The following GNA14 variants were observed in gnomAD, a reference collection of about 807,000 sequenced individuals.
The protein encoded by GNA14 is guanine nucleotide-binding protein subunit alpha-14.
A neutral mutation model predicts 42.0 loss-of-function variants in GNA14; 50 were observed. The observed-to-expected ratio is 1.19, with a 90% CI of 0.95 to 1.51. The LOEUF is 1.51. Ranked by LOEUF, GNA14 falls within the 40% of genes most tolerant of loss-of-function variation. GNA14 has a pLI of 0.00. For missense variants in GNA14, 473 were observed against 446.2 expected (o/e 1.06, Z -0.54); for synonymous variants, 173 against 163.1 (o/e 1.06, Z -0.46).
chr9:77,424,763 C>T (rs1264907960), intron 6 of GNA14, among the ~76,000 whole-genome samples: 1 of 152,098 alleles, frequency 6.6e-6, no homozygotes, highest in East Asian at 1.9e-4. Flanking sequence ...GTAATCCTGG[C>T]TAACACATAT....
At chr9:77,631,158 G>T (rs1295407000) in intron 1 of GNA14, among the ~76,000 whole-genome samples, 1 of 152,138 alleles carries the variant, frequency 6.6e-6, no homozygotes, top group Non-Finnish European at 1.5e-5. Flanking sequence ...CTATCATGTT[G>T]CTTTTTCACC....
chr9:77,635,120 CCAAA>C (rs200100023), intron 1 of GNA14: 1 of 152,096 alleles, frequency 6.6e-6, no homozygotes, highest in Admixed American at 6.6e-5. Context: ...CACCCATCAC[CCAAA>C]CAGTGTACAC....
intron 1 of GNA14, among the ~76,000 whole-genome samples, chr9:77,534,041 G>A (rs1431602161): frequency 1.3e-5 from 2 of 152,052 alleles, no homozygotes; most frequent in African/African-American, 4.8e-5. Flanking sequence ...TTAATATTTA[G>A]CTTTATTATT....
intron 2 of GNA14, among the ~76,000 whole-genome samples, chr9:77,498,373 C>CAAAAAAAAAAAAAAA (rs766816001): frequency 2.4e-4 from 13 of 54,102 alleles, no homozygotes; most frequent in Non-Finnish European, 3.2e-4. Flanking sequence ...AAGTCTGTCT[C>CAAAAAAAAAAAAAAA]AAAAAAAAAA....
intron 1 of GNA14, among the ~76,000 whole-genome samples, chr9:77,536,352 T>G (rs10869939): frequency 0.26 from 40,090 of 152,136 alleles, 5,629 homozygotes; most frequent in African/African-American, 0.34. Flanking sequence ...TAGGTTTTTT[T>G]TGTGTGTGTG....
rs1028886512 is a variant in GNA14 at position 77,579,202 on chromosome 9, C to T, written c.125-49949G>A. Among the ~76,000 whole-genome samples, 9 of 152,286 alleles carry T rather than the reference C, an allele frequency of 5.9e-5. No individual in the cohort carries two copies. The East Asian group carries it at 1.5e-3, about 26-fold the overall frequency. ...TCAGGCACTGGGAACAAATAAGGGGCCTTCACTCTAAGGCTGGGCACAACT... is the reference window on the plus strand; with the variant it reads ...TCAGGCACTGGGAACAAATAAGGGGTCTTCACTCTAAGGCTGGGCACAACT... On this transcript the variant is annotated intron_variant, in intron 1 of 6. Coordinates refer to ENST00000341700, the MANE Select transcript of GNA14 (RefSeq NM_004297.4).
At chr9:77,601,769 C>T (rs1173535531) in intron 1 of GNA14, among the ~76,000 whole-genome samples, 1 of 152,186 alleles carries the variant, frequency 6.6e-6, no homozygotes, top group Admixed American at 6.5e-5. Context: ...TCCCATCTGA[C>T]GGAAGCCCAC....
At chr9:77,638,772 AAG>A (rs1824217309) in intron 1 of GNA14, among the ~76,000 whole-genome samples, 1 of 152,218 alleles carries the variant, frequency 6.6e-6, no homozygotes, top group South Asian at 2.1e-4. Context: ...ATGGGAAATC[AAG>A]AGGACACTGC....
At chr9:77,501,118 C>A (rs1012271985) in intron 2 of GNA14, among the ~76,000 whole-genome samples, 4 of 152,176 alleles carry the variant, frequency 2.6e-5, no homozygotes, top group African/African-American at 9.7e-5. Context: ...CCACACTCAG[C>A]TAATTTTTAT....
intron 2 of GNA14, among the ~76,000 whole-genome samples, chr9:77,464,913 G>A (rs528161663): frequency 3.1e-4 from 47 of 152,142 alleles, no homozygotes; most frequent in Non-Finnish European, 5.6e-4. Context: ...GGAGAATGCC[G>A]TGTGAAGCCA....
intron 1 of GNA14, among the ~76,000 whole-genome samples, chr9:77,632,180 C>T (rs113924499): frequency 0.012 from 1,851 of 152,322 alleles, 65 homozygotes; most frequent in African/African-American, 0.042. Flanking sequence ...CCACTCCAAT[C>T]TCAGAGCAAA....
chr9:77,599,314 G>A (rs1047955097), intron 1 of GNA14, among the ~76,000 whole-genome samples: 2 of 152,064 alleles, frequency 1.3e-5, no homozygotes, highest in African/African-American at 2.4e-5. Context: ...TAGGTCATTC[G>A]GTAAAATAAA....
chr9:77,562,419 A>G lies in GNA14; in HGVS notation c.125-33166T>C, dbSNP rs142698931. Among the ~76,000 whole-genome samples, 503 of 152,252 alleles carry G rather than the reference A, an allele frequency of 3.3e-3. 6 individuals carry two copies. The highest frequency in any genetic ancestry group is 0.011 in the South Asian group (51 of 4,814). The stretch of plus-strand genomic sequence containing the variant: ...AAAAAATGATCATGTATGGGGCAGG[A>G]AAGGGACATGAAGGAGAGCCACCAA... On this transcript the variant is annotated intron_variant, in intron 1 of 6. Transcript: ENST00000341700.
At chr9:77,451,789 C>G (rs1835905920) in intron 2 of GNA14, among the ~76,000 whole-genome samples, 1 of 152,194 alleles carries the variant, frequency 6.6e-6, no homozygotes, top group African/African-American at 2.4e-5. Context: ...TAATCAGGTG[C>G]ATAAGGAAAC....
chr9:77,439,620 G>C (rs113733098), intron 2 of GNA14, among the ~76,000 whole-genome samples: 2,334 of 152,286 alleles, frequency 0.015, 27 homozygotes, highest in Non-Finnish European at 0.024. Context: ...CTGAGTGAAA[G>C]AGTGAGATAC....
At chr9:77,465,647 C>T (rs537224012) in intron 2 of GNA14, among the ~76,000 whole-genome samples, 8 of 141,278 alleles carry the variant, frequency 5.7e-5, no homozygotes, top group African/African-American at 2.1e-4. Flanking sequence ...CAAAACATAG[C>T]TTTCTACCTT....
At chr9:77,492,990 G>A (rs1211753519) in intron 2 of GNA14, among the ~76,000 whole-genome samples, 1 of 101,082 alleles carries the variant, frequency 9.9e-6, no homozygotes, top group African/African-American at 4.0e-5. Flanking sequence ...GACAGAGCAA[G>A]ACTCCGTCTC....
At chr9:77,483,169 C>A (rs898231291) in intron 2 of GNA14, among the ~76,000 whole-genome samples, 2 of 152,096 alleles carry the variant, frequency 1.3e-5, no homozygotes, top group Admixed American at 1.3e-4. Context: ...TCTGTTTTTT[C>A]CCCATCTTTG....
At chr9:77,462,712 C>G (rs1836129064) in intron 2 of GNA14, among the ~76,000 whole-genome samples, 1 of 79,950 alleles carries the variant, frequency 1.3e-5, no homozygotes, top group Non-Finnish European at 2.4e-5. Flanking sequence ...CAGAGCAAGA[C>G]TCCATCTCGG....
Sources: gnomAD v4.1 joint callset for allele counts (sites outside exome capture counted in the v4.1 genomes callset) on GRCh38, gnomAD v4.1.1 for gene constraint, MANE v1.5 for transcripts, NCBI Gene and HGNC (gene_info 2026-07-23, HGNC 2026-07-21) for gene names.